The following CUBN variants were observed in gnomAD, a reference collection of about 807,000 sequenced individuals.
CUBN encodes 460 kDa receptor.
Under a neutral mutation model 405.3 loss-of-function variants are expected in CUBN, and 282 were observed. The ratio of observed to expected loss-of-function variants is 0.70; its 90% CI spans 0.63 to 0.77. The LOEUF (loss-of-function observed/expected upper bound fraction) is 0.77, where lower values mean the gene tolerates loss of function less well. Among genes scored for constraint, CUBN ranks in the 30% least tolerant of loss-of-function variants. The pLI, the probability that CUBN is intolerant of heterozygous loss-of-function variation, is 0.00. For missense variants in CUBN, 4,514 were observed against 4,475.2 expected (o/e 1.01, Z -0.25); for synonymous variants, 1,684 against 1,617.0 (o/e 1.04, Z -0.99).
intron 54 of CUBN, among the ~76,000 whole-genome samples, chr10:16,898,312 A>G (rs1841253535): frequency 6.6e-6 from 1 of 152,114 alleles, no homozygotes; most frequent in South Asian, 2.1e-4. Flanking sequence ...TCTTCATTCT[A>G]CAGTTGAATA....
intron 36 of CUBN, among the ~76,000 whole-genome samples, chr10:16,945,831 G>C (rs1842764261): frequency 6.7e-6 from 1 of 149,830 alleles, no homozygotes; most frequent in African/African-American, 2.5e-5. Flanking sequence ...GCTTAAACTT[G>C]CATTGCCTTT....
chr10:16,918,815 A>G lies in CUBN; in HGVS notation c.6822-15T>C, dbSNP rs1841960543. 1 of 1,610,928 alleles carries G rather than the reference A, an allele frequency of 6.2e-7. No homozygotes were observed. The highest frequency in any genetic ancestry group is 1.3e-5 in the African/African-American group (1 of 74,764). ...TGGAAGTACAGCTGAAGTGGGAACA[A>G]AATTCTGTTAAATTTACATGGTCAG... On this transcript the variant is annotated splice_polypyrimidine_tract_variant and intron_variant, in intron 44 of 66. Transcript: ENST00000377833.
chr10:16,883,954 AT>A (rs1296604837), intron 56 of CUBN, among the ~76,000 whole-genome samples: 1 of 151,984 alleles, frequency 6.6e-6, no homozygotes, highest in African/African-American at 2.4e-5. Flanking sequence ...TTACTACCCA[AT>A]TTTTTTCATT....
rs143531829 is a variant in CUBN, at chr10:17,045,184, G to A, written c.3495C>T (p.Cys1165=). ...CGCTTGAAGTGGTGAGATTACCCCC[G>A]CAACCTACAGGAGAAAGAAGTGGAA... ...SAYWDGSSTG[C]GGNLTTSSGT... Residue 1165 remains cysteine (C), a synonymous_variant, in exon 25 of 67, where the codon TGC becomes TGT. Coordinates refer to ENST00000377833, the MANE Select transcript of CUBN (RefSeq NM_001081.4). The A allele has an allele frequency of 1.6e-4, 256 of 1,613,298 alleles. No homozygotes were observed. In the African/African-American group the frequency reaches 2.9e-3, roughly 18 times the overall value.
intron 22 of CUBN, among the ~76,000 whole-genome samples, chr10:17,051,577 A>G (rs1473730985): frequency 6.6e-6 from 1 of 152,150 alleles, no homozygotes; most frequent in Non-Finnish European, 1.5e-5. Flanking sequence ...AACAGATATG[A>G]AATTTTGGCC....
At chr10:16,864,279 A>G (rs1840100259) in intron 59 of CUBN, among the ~76,000 whole-genome samples, 2 of 152,190 alleles carry the variant, frequency 1.3e-5, no homozygotes, top group Non-Finnish European at 2.9e-5. Context: ...GTGTCACTGC[A>G]AAGTGGGTAG....
At chr10:16,906,834 C>T (rs1841569104) in intron 49 of CUBN, among the ~76,000 whole-genome samples, 1 of 152,112 alleles carries the variant, frequency 6.6e-6, no homozygotes, top group Non-Finnish European at 1.5e-5. Flanking sequence ...CATTAATTTG[C>T]CCCCTTTTAA....
intron 50 of CUBN, 152 bp from the exon 51 acceptor site, chr10:16,904,267 G>A: frequency 1.3e-6 from 1 of 772,158 alleles, no homozygotes; most frequent in Non-Finnish European, 2.2e-6. Context: ...GTGTGTCTCT[G>A]TTAACTGCAA....
rs11254274 is a variant in CUBN at position 16,915,052 on chromosome 10, C to T, written c.7331G>A (p.Arg2444Gln). 1.1e-5 allele frequency: 17 copies of T among 1,613,758 alleles called. No individual in the cohort carries two copies. Among genetic ancestry groups the T allele is most frequent in the East Asian group, 4.5e-5 (2 of 44,896 alleles). Residue 2444 changes from arginine (R) to glutamine (Q), a missense_variant, in exon 47 of 67, where the codon CGA becomes CAA. Around this residue, in one of 5 missense-constraint regions of CUBN, gnomAD observed 1,613 missense variants for 1,542.8 expected, o/e 1.05. Transcript: ENST00000377833. ...CTCACCTTCCATACTGGATTCAAATCGCAGTCTGAATCCTGAGGCAGTCAC... is the reference window on the plus strand; with the variant it reads ...CTCACCTTCCATACTGGATTCAAATTGCAGTCTGAATCCTGAGGCAGTCAC... ...GSVTASGFRL[R>Q]FESSMEECGG...
chr10:16,952,314 T>C lies in CUBN; in HGVS notation c.4931A>G (p.Asn1644Ser), dbSNP rs752326253. 3.0e-5 allele frequency: 49 copies of C among 1,613,958 alleles called. No homozygotes were observed. The East Asian group carries it at 9.4e-4, about 31-fold the overall frequency. The stretch of plus-strand genomic sequence containing the variant: ...TTGAATGATCCAGCTGCAGTTCTGA[T>C]TGTTTGGATAATTGGCAGGGAACCG... The part of the protein sequence containing the change: ...SPRFPANYPN[N>S]QNCSWIIQAQ... The change falls in exon 33 of 67, where the codon AAT becomes AGT. Residue 1644 changes from asparagine to serine, a missense_variant. Asn to Ser is a conservative substitution (Grantham distance 46). This residue lies in a region of CUBN where 1,613 missense variants were observed against 1,542.8 expected (regional missense o/e 1.05). Coordinates refer to ENST00000377833, the MANE Select transcript of CUBN (RefSeq NM_001081.4).
chr10:16,870,821 C>T (rs368039927), intron 58 of CUBN, among the ~76,000 whole-genome samples: 95 of 152,180 alleles, frequency 6.2e-4, no homozygotes, highest in African/African-American at 2.3e-3. Flanking sequence ...CAGATGCATC[C>T]CTAACTTTTC....
In CUBN at chr10:16,925,383, G is replaced by A. The variant is rs773759448; in HGVS notation, c.6504C>T (p.Pro2168=). The change falls in exon 43 of 67, where the codon CCC becomes CCT. Residue 2168 remains proline, a synonymous_variant. Transcript: ENST00000377833. ...CACAAAAATGACCATTTCCTCCAGGGGGTCCCAAGGGTGGAGAACAGATAT... is the reference window on the plus strand; with the variant it reads ...CACAAAAATGACCATTTCCTCCAGGAGGTCCCAAGGGTGGAGAACAGATAT... ...GPDICSPPLG[P]PGGNGHFCGS... is the part of the protein sequence containing the mutation. 3 of 1,613,800 alleles carry A rather than the reference G, an allele frequency of 1.9e-6. No individual in the cohort carries two copies.
At chr10:17,011,476 C>T (rs942857448) in intron 28 of CUBN, among the ~76,000 whole-genome samples, 6 of 151,994 alleles carry the variant, frequency 3.9e-5, no homozygotes, top group Non-Finnish European at 7.4e-5. Flanking sequence ...GGAATGAAGC[C>T]GCAAACCTTC....
intron 11 of CUBN, among the ~76,000 whole-genome samples, chr10:17,104,826 TGA>T (rs1836585666): frequency 7.7e-6 from 1 of 130,548 alleles, no homozygotes; most frequent in Admixed American, 8.7e-5. Flanking sequence ...TTTTTTTTTT[TGA>T]GATGGAGTCT....
rs763475348 is a variant in CUBN, at chr10:17,046,053, T to C, written c.3371A>G (p.Tyr1124Cys). ...YEKSPLLGIF[Y>C]GSNLPPTIIS... The stretch of plus-strand genomic sequence containing the variant: ...GATTGTTGGGGGTAGATTTGAGCCA[T>C]AGAATATTCCCAGCAATGGTGATTT... The change falls in exon 24 of 67, where the codon TAT (tyrosine) becomes TGT (cysteine). Residue 1124 changes from tyrosine (Y) to cysteine (C), a missense_variant. Around this residue, in one of 5 missense-constraint regions of CUBN, gnomAD observed 1,448 missense variants for 1,388.0 expected, o/e 1.04. Coordinates refer to ENST00000377833, the MANE Select transcript of CUBN (RefSeq NM_001081.4). 33 of 1,613,888 alleles carry C rather than the reference T, an allele frequency of 2.0e-5. 1 individual carries two copies. The East Asian group carries it at 4.9e-4, about 24-fold the overall frequency.
intron 17 of CUBN, among the ~76,000 whole-genome samples, chr10:17,073,741 C>T (rs529477025): frequency 2.0e-5 from 3 of 152,106 alleles, no homozygotes; most frequent in Admixed American, 6.5e-5. Flanking sequence ...CCACTGCGCC[C>T]GGCCAAATAG....
intron 31 of CUBN, among the ~76,000 whole-genome samples, chr10:16,969,505 C>A (rs1418237777): frequency 6.6e-6 from 1 of 152,130 alleles, no homozygotes; most frequent in African/African-American, 2.4e-5. Flanking sequence ...CAGGTATGCA[C>A]CACAAAACCC....
In CUBN at chr10:17,085,669, C is replaced by A; in HGVS notation, c.2038G>T (p.Ala680Ser). ...GAGTCTGAATGGAAGTGAATTCTGG[C>A]AAAGGGGCCAGTAGTCTGGAGCGGT... The part of the protein sequence containing the change: ...VPPLQTTGPF[A>S]RIHFHSDSQI... Residue 680 changes from alanine (A) to serine (S), a missense_variant, in exon 16 of 67, where the codon GCC becomes TCC. Ala to Ser is a moderately conservative substitution (Grantham distance 99). Coordinates refer to ENST00000377833, the MANE Select transcript of CUBN (RefSeq NM_001081.4). 6.2e-7 allele frequency: 1 copy of A among 1,614,034 alleles called. No individual in the cohort carries two copies. The highest frequency in any genetic ancestry group is 8.5e-7 in the Non-Finnish European group (1 of 1,179,978).
chr10:17,058,489 T>A (rs572097771), intron 22 of CUBN, among the ~76,000 whole-genome samples: 1 of 152,118 alleles, frequency 6.6e-6, no homozygotes, highest in Admixed American at 6.6e-5. Context: ...TACATAAAAT[T>A]GAAATAGAGA....
Sources: gnomAD v4.1 joint callset for allele counts (sites outside exome capture counted in the v4.1 genomes callset) on GRCh38, gnomAD v4.1.1 for gene constraint, gnomAD v4.1.1 regional missense constraint, MANE v1.5 for transcripts, NCBI Gene and HGNC (gene_info 2026-07-23, HGNC 2026-07-21) for gene names.